Variants in UNC13C observed in about 807,000 individuals in gnomAD.
The protein encoded by UNC13C is unc-13 homolog C.
In UNC13C, 174 loss-of-function variants were observed where a neutral mutation model predicts 245.4. The ratio of observed to expected loss-of-function variants is 0.71; its 90% confidence interval spans 0.63 to 0.80. The LOEUF is 0.80. Ranked by LOEUF, UNC13C falls within the 30% of genes least tolerant of loss-of-function variation. The pLI, the probability that UNC13C is intolerant of heterozygous loss-of-function variation, is 0.00. For missense variants in UNC13C, 2,829 were observed against 2,602.9 expected (o/e 1.09, Z -1.89); for synonymous variants, 992 against 895.1 (o/e 1.11, Z -1.93).
intron 13 of UNC13C, among the ~76,000 whole-genome samples, chr15:54,315,439 T>C (rs1204688341): frequency 1.3e-5 from 2 of 151,666 alleles, no homozygotes; most frequent in African/African-American, 2.4e-5. Context: ...GATTCCAGTT[T>C]CCTGGGTTTA....
chr15:54,601,044 A>G (rs1386079166), intron 30 of UNC13C, among the ~76,000 whole-genome samples: 1 of 150,652 alleles, frequency 6.6e-6, no homozygotes, highest in Non-Finnish European at 1.5e-5. Flanking sequence ...AATTTGAGTT[A>G]GGCTGTATTC....
chr15:54,283,705 T>C (rs1183915071), intron 10 of UNC13C, among the ~76,000 whole-genome samples: 1 of 72,532 alleles, frequency 1.4e-5, no homozygotes, highest in African/African-American at 5.2e-5. Flanking sequence ...TGTGTGTATA[T>C]ATATATGTGT....
intron 4 of UNC13C, among the ~76,000 whole-genome samples, chr15:54,202,644 C>T (rs1261099224): frequency 6.6e-6 from 1 of 151,926 alleles, no homozygotes. Context: ...GTCCTTATCT[C>T]TCACCCTATA....
chr15:53,934,811 T>C, the UNC13C span, among the ~76,000 whole-genome samples: 4 of 152,088 alleles, frequency 2.6e-5, no homozygotes, highest in Non-Finnish European at 5.9e-5. Context: ...GTCTGCTCAT[T>C]GTAGAGGAGG....
chr15:54,383,491 G>A (rs1251133179), intron 17 of UNC13C, among the ~76,000 whole-genome samples: 1 of 151,898 alleles, frequency 6.6e-6, no homozygotes, highest in Non-Finnish European at 1.5e-5. Flanking sequence ...ACAACGGTGA[G>A]CAAACTAGGC....
chr15:54,561,820 T>A (rs113130235), intron 29 of UNC13C, among the ~76,000 whole-genome samples: 1 of 151,932 alleles, frequency 6.6e-6, no homozygotes, highest in Non-Finnish European at 1.5e-5. Flanking sequence ...GAGTTCCAGT[T>A]ATTTAGTTCA....
chr15:54,430,036 T>G (rs1252006297), intron 19 of UNC13C, among the ~76,000 whole-genome samples: 1 of 151,714 alleles, frequency 6.6e-6, no homozygotes, highest in Non-Finnish European at 1.5e-5. Context: ...AGCAAATGTT[T>G]GTATAACTAT....
intron 16 of UNC13C, among the ~76,000 whole-genome samples, chr15:54,335,224 C>T (rs1215741987): frequency 3.3e-5 from 5 of 152,034 alleles, no homozygotes; most frequent in African/African-American, 1.2e-4. Context: ...CCAACTTTCC[C>T]CTATGTATGT....
intron 2 of UNC13C, chr15:54,049,331 T>C (rs1409347697): frequency 1.4e-5 from 7 of 513,534 alleles, no homozygotes; most frequent in Non-Finnish European, 2.7e-5. Context: ...TATAAATCGA[T>C]ACTACTAACA....
chr15:54,434,478 T>G lies in UNC13C; in HGVS notation c.4933+19411T>G, dbSNP rs182480141. Among the ~76,000 whole-genome samples, 10 of 152,084 alleles carry G rather than the reference T, an allele frequency of 6.6e-5. No homozygotes were observed. In the East Asian group the frequency reaches 1.9e-3, roughly 30 times the overall value. ...TCAACAAAATGACAAAAAGGAGCAA[T>G]GGGGAAAGTGTTCCCTATTTAATAA... On this transcript the variant is annotated intron_variant, in intron 19 of 32. Transcript: ENST00000260323.
chr15:53,906,368 C>A, the UNC13C span, among the ~76,000 whole-genome samples: 2 of 152,194 alleles, frequency 1.3e-5, no homozygotes, highest in Non-Finnish European at 2.9e-5. Context: ...AACTACTGCA[C>A]TAGGTCTGGC....
chr15:54,625,901 A>G (rs945192587), intron 32 of UNC13C, among the ~76,000 whole-genome samples: 1 of 152,136 alleles, frequency 6.6e-6, no homozygotes, highest in Non-Finnish European at 1.5e-5. Context: ...TCTGATTCCC[A>G]TCATATTTTG....
At chr15:54,050,403 G>T in intron 2 of UNC13C, 1 of 556,540 alleles carries the variant, frequency 1.8e-6, no homozygotes, top group South Asian at 1.4e-5. Context: ...TATATTTTCT[G>T]GGAATATTCT....
chr15:54,303,533 C>T (rs558656776), intron 13 of UNC13C, among the ~76,000 whole-genome samples: 38 of 151,750 alleles, frequency 2.5e-4, no homozygotes, highest in Non-Finnish European at 4.7e-4. Context: ...TCACATAGAT[C>T]GTTGGAAAGA....
At chr15:54,010,754 G>A (rs1895347119) in intron 1 of UNC13C, among the ~76,000 whole-genome samples, 1 of 152,116 alleles carries the variant, frequency 6.6e-6, no homozygotes. Flanking sequence ...CCATAGTCTA[G>A]ATGAGAAATG....
intron 19 of UNC13C, among the ~76,000 whole-genome samples, chr15:54,421,283 C>A (rs1010503104): frequency 6.6e-6 from 1 of 151,744 alleles, no homozygotes; most frequent in Non-Finnish European, 1.5e-5. Flanking sequence ...TGGTGGCCTT[C>A]TTGGAGAATC....
At chr15:53,970,238 T>A in the UNC13C span, among the ~76,000 whole-genome samples, 5 of 152,232 alleles carry the variant, frequency 3.3e-5, no homozygotes, top group East Asian at 9.7e-4. Flanking sequence ...CCTGGCTAAT[T>A]TTTTGTATTT....
chr15:54,258,576 C>T (rs1485697787), intron 8 of UNC13C, among the ~76,000 whole-genome samples: 4 of 151,958 alleles, frequency 2.6e-5, no homozygotes, highest in Non-Finnish European at 5.9e-5. Flanking sequence ...ACCATGTTGG[C>T]CAGGCTGGTT....
Position 54,296,387 on chromosome 15 carries a change from T to A in UNC13C, c.3989-1424T>A, listed in dbSNP as rs558290845. ...GGCTAATTTTTTTTTTTTTTTATTTTTTTTTATTTTTTAGTGGAGACGGGG... is the reference window on the plus strand; with the variant it reads ...GGCTAATTTTTTTTTTTTTTTATTTATTTTTATTTTTTAGTGGAGACGGGG... On this transcript the variant is annotated intron_variant, in intron 11 of 32. Transcript: ENST00000260323. Among the ~76,000 whole-genome samples the A allele has an allele frequency of 1.2e-3, 162 of 140,188 alleles. 3 individuals carry two copies. The highest frequency in any genetic ancestry group is 3.5e-3 in the Middle Eastern group (1 of 282). The allele number at this position is 140,188 out of a possible 152,430, so 92.0% of individuals were successfully genotyped here. A position where few individuals can be genotyped will look rare whatever the true frequency, so the allele number is the denominator to read the frequency against.
Sources: gnomAD v4.1 joint callset for allele counts (sites outside exome capture counted in the v4.1 genomes callset) on GRCh38, gnomAD v4.1.1 for gene constraint, MANE v1.5 for transcripts, NCBI Gene and HGNC (gene_info 2026-07-23, HGNC 2026-07-21) for gene names.